ZDHHC14: variants seen among roughly 807,000 people sequenced by gnomAD.
ZDHHC14 encodes the protein zDHHC palmitoyltransferase 14.
In ZDHHC14, 16 loss-of-function variants were observed where a neutral mutation model predicts 47.7. That is an observed-to-expected ratio of 0.34 (90% CI 0.23 to 0.51). The LOEUF is 0.51. Among genes scored for constraint, ZDHHC14 ranks in the 20% least tolerant of loss-of-function variants. The pLI is 0.97. For missense variants in ZDHHC14, 515 were observed against 662.5 expected, an observed-to-expected ratio of 0.78 and a Z score of 2.44; for synonymous variants, 293 against 278.9, an observed-to-expected ratio of 1.05 and a Z score of -0.50.
intron 2 of ZDHHC14, among the ~76,000 whole-genome samples, chr6:157,553,744 A>G (rs113116005): frequency 2.6e-5 from 4 of 152,074 alleles, no homozygotes; most frequent in Non-Finnish European, 5.9e-5. Context: ...TTAACTGTTT[A>G]TTTTGTGTTT....
chr6:157,653,199 C>T (rs575588744), intron 7 of ZDHHC14, among the ~76,000 whole-genome samples: 13 of 152,126 alleles, frequency 8.5e-5, no homozygotes, highest in Non-Finnish European at 8.8e-5. Flanking sequence ...TGGAGAGGAG[C>T]GCTGGGGACA....
rs1209719481 is a variant in ZDHHC14, at chr6:157,673,253, C to T, written c.*131C>T. On this transcript the variant is annotated 3_prime_UTR_variant, in exon 9 of 9. Coordinates refer to ENST00000359775, the MANE Select transcript of ZDHHC14 (RefSeq NM_024630.3). This position sits in a 1 kb window ranked among gnomAD's most constrained non-coding sequence, Gnocchi z 5.4. ...AGATGACAGCCCCAGGTCTGGGGTA[C>T]AGAGACCACTTAGGATGGCACAGGG... 13 of 1,279,404 alleles carry T rather than the reference C, an allele frequency of 1.0e-5. No homozygotes were observed. The highest frequency in any genetic ancestry group is 1.2e-5 in the Non-Finnish European group (12 of 969,072). 79.3% of individuals were successfully genotyped at this position (1,279,404 alleles called of 1,614,324 possible).
At position 157,484,306 on chromosome 6, in the gene ZDHHC14, CAT is replaced by C. The variant is rs1042050871; in HGVS notation, c.246-58271_246-58270del. ...ATATATATATGTGTATATATATATA[CAT>C]ATATATACACATATATATACGTATA... On this transcript the variant is annotated intron_variant, in intron 1 of 8. Transcript: ENST00000359775. Among the ~76,000 whole-genome samples, 21 of 90,160 alleles carry C rather than the reference CAT, an allele frequency of 2.3e-4. No individual in the cohort carries two copies. The South Asian group carries it at 2.5e-3, about 11-fold the overall frequency. 59.1% of individuals were successfully genotyped at this position (90,160 alleles called of 152,430 possible). A position where few individuals can be genotyped will look rare whatever the true frequency, so the allele number is the denominator to read the frequency against.
chr6:157,562,108 T>C (rs17446605), intron 2 of ZDHHC14, among the ~76,000 whole-genome samples: 7,770 of 152,236 alleles, frequency 0.051, 245 homozygotes, highest in Admixed American at 0.069. Flanking sequence ...CTTGAAGGTA[T>C]CCAGAAAACA....
intron 1 of ZDHHC14, among the ~76,000 whole-genome samples, chr6:157,458,723 A>G (rs1408901938): frequency 1.3e-5 from 2 of 152,116 alleles, no homozygotes; most frequent in African/African-American, 2.4e-5. Context: ...CTCCAAGTGC[A>G]TATAGATCCT....
chr6:157,390,653 A>C lies in ZDHHC14; in HGVS notation c.245+8387A>C, dbSNP rs562063101. On this transcript the variant is annotated intron_variant, in intron 1 of 8. Coordinates refer to ENST00000359775, the MANE Select transcript of ZDHHC14 (RefSeq NM_024630.3). ...GGGTTGTCTTCAAGTTAATATTTCT[A>C]TGTTAAGCCAATTTTGATATCTAAT... is the stretch of plus-strand genomic sequence containing the variant. Among the ~76,000 whole-genome samples the C allele has an allele frequency of 7.6e-3, 1,152 of 152,106 alleles. 8 individuals carry two copies. Among genetic ancestry groups the C allele is most frequent in the Non-Finnish European group, 0.013 (883 of 67,972 alleles).
intron 1 of ZDHHC14, among the ~76,000 whole-genome samples, chr6:157,423,967 C>A (rs1778162524): frequency 6.6e-6 from 1 of 152,218 alleles, no homozygotes; most frequent in Admixed American, 6.5e-5. Context: ...CCAAACAAAG[C>A]CCAGCCTGGC....
intron 2 of ZDHHC14, among the ~76,000 whole-genome samples, chr6:157,553,180 C>T (rs1038731082): frequency 7.2e-5 from 11 of 152,052 alleles, no homozygotes; most frequent in South Asian, 6.2e-4. Flanking sequence ...AGATTCCAGG[C>T]GAAGGCAGGC....
intron 5 of ZDHHC14, among the ~76,000 whole-genome samples, chr6:157,642,066 A>ATAGATAGTTAGT (rs552956844): frequency 1.9e-4 from 28 of 147,830 alleles, no homozygotes; most frequent in African/African-American, 6.3e-4. Flanking sequence ...AGATAGATAG[A>ATAGATAGTTAGT]TAGTTATCAT....
chr6:157,574,275 T>C (rs1562488009), intron 2 of ZDHHC14, among the ~76,000 whole-genome samples: 1 of 151,930 alleles, frequency 6.6e-6, no homozygotes, highest in Non-Finnish European at 1.5e-5. Flanking sequence ...ATACAAAAAT[T>C]AGCTGAGCAT....
At chr6:157,469,666 C>T (rs901860286) in intron 1 of ZDHHC14, among the ~76,000 whole-genome samples, 5 of 152,162 alleles carry the variant, frequency 3.3e-5, no homozygotes, top group Non-Finnish European at 7.3e-5. Context: ...TTGAGGTCAT[C>T]GTGGCAGAGG....
At chr6:157,607,050 G>T (rs200652292) in intron 3 of ZDHHC14, among the ~76,000 whole-genome samples, 1 of 151,902 alleles carries the variant, frequency 6.6e-6, no homozygotes, top group Non-Finnish European at 1.5e-5. Context: ...TAGCATATTC[G>T]AAGTATGTAT....
At chr6:157,579,829 G>A (rs938972543) in intron 2 of ZDHHC14, among the ~76,000 whole-genome samples, 9 of 152,134 alleles carry the variant, frequency 5.9e-5, no homozygotes, top group African/African-American at 1.7e-4. Context: ...TATGTCATCC[G>A]CAAACAGGGA....
chr6:157,609,099 G>A (rs1341427358), intron 3 of ZDHHC14, among the ~76,000 whole-genome samples: 1 of 152,192 alleles, frequency 6.6e-6, no homozygotes, highest in African/African-American at 2.4e-5. Flanking sequence ...TCATGGCTTG[G>A]TGACCTGAGT....
chr6:157,664,845 G>A (rs594407), intron 8 of ZDHHC14, among the ~76,000 whole-genome samples: 109,130 of 152,062 alleles, frequency 0.72, 39,387 homozygotes, highest in African/African-American at 0.78. Context: ...CATGCCCAGC[G>A]CAACCCTTGC....
chr6:157,454,292 G>T (rs1778865014), intron 1 of ZDHHC14, among the ~76,000 whole-genome samples: 1 of 152,112 alleles, frequency 6.6e-6, no homozygotes, highest in Admixed American at 6.5e-5. Context: ...ATTTTCCTTG[G>T]TATGTTCTCA....
chr6:157,558,233 C>CGTTGAGGAGTTT (rs1782558717), intron 2 of ZDHHC14, among the ~76,000 whole-genome samples: 1 of 152,212 alleles, frequency 6.6e-6, no homozygotes, highest in Non-Finnish European at 1.5e-5. Flanking sequence ...TAGATCTAAA[C>CGTTGAGGAGTTT]TCCTCAACCG....
rs1779812932 is a variant in ZDHHC14, at chr6:157,487,613, G to C, written c.246-54972G>C. Among the ~76,000 whole-genome samples the C allele has an allele frequency of 2.6e-5, 4 of 152,222 alleles. No individual in the cohort carries two copies. The South Asian group carries it at 8.3e-4, about 32-fold the overall frequency. On this transcript the variant is annotated intron_variant, in intron 1 of 8. Transcript: ENST00000359775. Reference sequence around the variant, plus strand: ...TACAGTCTGTGCATGGCGGAACTGGGATGAAGCCCCAGGTCAGAGCACTTA... The same window carrying C: ...TACAGTCTGTGCATGGCGGAACTGGCATGAAGCCCCAGGTCAGAGCACTTA...
At chr6:157,420,878 A>G (rs1488257770) in intron 1 of ZDHHC14, among the ~76,000 whole-genome samples, 1 of 152,176 alleles carries the variant, frequency 6.6e-6, no homozygotes, top group Non-Finnish European at 1.5e-5. Flanking sequence ...CCTTGGCAAC[A>G]GAGCCCTGTG....
Sources: allele counts gnomAD v4.1 joint callset (sites outside exome capture counted in the v4.1 genomes callset), GRCh38; gene constraint gnomAD v4.1.1; non-coding constraint Gnocchi (gnomAD v3.1); transcripts MANE v1.5; gene names NCBI Gene and HGNC (gene_info 2026-07-23, HGNC 2026-07-21).